GPD1L: variants seen among roughly 807,000 people sequenced by gnomAD.
GPD1L encodes glycerol-3-phosphate dehydrogenase 1-like protein.
Under a neutral mutation model 32.9 loss-of-function variants are expected in GPD1L, and 17 were observed. That is an observed-to-expected ratio of 0.52 (90% CI 0.35 to 0.78). The LOEUF is 0.78. GPD1L is among the 30% of genes least tolerant of loss of function. The pLI is 0.01. For missense variants in GPD1L, 361 were observed against 447.8 expected (o/e 0.81, Z 1.75); for synonymous variants, 187 against 165.9 (o/e 1.13, Z -0.98).
chr3:32,133,593 A>C (rs1339329473), intron 2 of GPD1L, among the ~76,000 whole-genome samples: 2 of 152,174 alleles, frequency 1.3e-5, no homozygotes, highest in Admixed American at 6.5e-5. Context: ...TTATTTTCCT[A>C]CTTAGAGATT....
rs1249016891 is a variant in GPD1L at position 32,159,672 on chromosome 3, C to T, written c.957C>T (p.Asp319=). The part of the protein sequence containing the change: ...YRILKQKGLL[D]KFPLFTAVYQ... ...TCCTCAAACAGAAGGGACTACTGGACAAGTAAGTCTCTCAGTCGCCCATGA... is the reference window on the plus strand; with the variant it reads ...TCCTCAAACAGAAGGGACTACTGGATAAGTAAGTCTCTCAGTCGCCCATGA... Residue 319 remains aspartate (D), a splice_region_variant and synonymous_variant, in exon 7 of 8, where the codon GAC becomes GAT. Transcript: ENST00000282541. 1.3e-6 allele frequency: 2 copies of T among 1,570,848 alleles called. No homozygotes were observed. The highest frequency in any genetic ancestry group is 4.5e-5 in the East Asian group (2 of 44,660).
At chr3:32,164,400 C>T (rs1480542270) in intron 7 of GPD1L, among the ~76,000 whole-genome samples, 3 of 152,190 alleles carry the variant, frequency 2.0e-5, no homozygotes, top group African/African-American at 7.2e-5. Context: ...ACTGAGGATA[C>T]AGTAGTGAAA....
At chr3:32,141,296 T>G (rs1700738757) in intron 4 of GPD1L, among the ~76,000 whole-genome samples, 1 of 152,210 alleles carries the variant, frequency 6.6e-6, no homozygotes, top group Admixed American at 6.5e-5. Flanking sequence ...TTATTTTTAA[T>G]TATGGAGGTA....
chr3:32,156,083 G>C (rs1700984621), intron 5 of GPD1L, among the ~76,000 whole-genome samples: 1 of 152,146 alleles, frequency 6.6e-6, no homozygotes, highest in Admixed American at 6.5e-5. Context: ...ACCCCTTCTA[G>C]AAGCAGAGCT....
chr3:32,117,994 G>C (rs1700356123), intron 1 of GPD1L, among the ~76,000 whole-genome samples: 1 of 152,192 alleles, frequency 6.6e-6, no homozygotes, highest in Non-Finnish European at 1.5e-5. Flanking sequence ...TGACAGAGGT[G>C]TGGTCCATCC....
chr3:32,141,335 A>C (rs1052363717), intron 4 of GPD1L, among the ~76,000 whole-genome samples: 1 of 152,208 alleles, frequency 6.6e-6, no homozygotes, highest in African/African-American at 2.4e-5. Flanking sequence ...GAAGATAGAG[A>C]TAATCAAAAG....
intron 2 of GPD1L, 67 bp downstream of exon 2, chr3:32,128,320 G>A (rs536616512): frequency 7.4e-7 from 1 of 1,348,750 alleles, no homozygotes; most frequent in Non-Finnish European, 1.1e-6. Flanking sequence ...GCAGCACTTG[G>A]GTTTTGGAAC....
Position 32,116,058 on chromosome 3 carries a change from G to T in GPD1L, c.47+9300G>T, listed in dbSNP as rs547783196. On this transcript the variant is annotated intron_variant, in intron 1 of 7. Transcript: ENST00000282541. Reference sequence around the variant, plus strand: ...CCGCCTCGGCCTCTCAAAGTGCTGGGTTTACAGATGTGAGCCACCGTGCCC... The same window carrying T: ...CCGCCTCGGCCTCTCAAAGTGCTGGTTTTACAGATGTGAGCCACCGTGCCC... Among the ~76,000 whole-genome samples the T allele has an allele frequency of 5.7e-3, 863 of 152,078 alleles. 9 individuals carry two copies. The highest frequency in any genetic ancestry group is 0.02 in the African/African-American group (823 of 41,506).
chr3:32,123,070 A>AT (rs1271417996), intron 1 of GPD1L, among the ~76,000 whole-genome samples: 1 of 151,716 alleles, frequency 6.6e-6, no homozygotes, highest in Non-Finnish European at 1.5e-5. Flanking sequence ...TGCCCAGCTA[A>AT]TTTTTTATTT....
intron 5 of GPD1L, among the ~76,000 whole-genome samples, chr3:32,154,633 A>C (rs114883773): frequency 1.2e-4 from 19 of 152,336 alleles, no homozygotes; most frequent in South Asian, 4.1e-4. Flanking sequence ...TCCCATGATA[A>C]TAGGACCTGC....
intron 2 of GPD1L, among the ~76,000 whole-genome samples, chr3:32,129,058 G>A (rs778660604): frequency 2.6e-5 from 4 of 152,192 alleles, no homozygotes; most frequent in Non-Finnish European, 5.9e-5. Context: ...AGCTTGGGGA[G>A]TGAAAAGGGT....
chr3:32,166,056 G>T lies in GPD1L; in HGVS notation c.*146G>T. 1 of 690,916 alleles carries T rather than the reference G, an allele frequency of 1.4e-6. No homozygotes were observed. The highest frequency in any genetic ancestry group is 2.7e-6 in the Non-Finnish European group (1 of 375,350). The allele number at this position is 690,916 out of a possible 1,614,324, so 42.8% of individuals were successfully genotyped here. On this transcript the variant is annotated 3_prime_UTR_variant, in exon 8 of 8. Transcript: ENST00000282541. ...ATTTTTACAGGTTCGTTTTTGAATT[G>T]TGAGAGGCAGTTCATTAGCAAAGAT...
chr3:32,160,490 T>A (rs1365697700), intron 7 of GPD1L, among the ~76,000 whole-genome samples: 4 of 59,808 alleles, frequency 6.7e-5, no homozygotes, highest in Non-Finnish European at 1.1e-4. Flanking sequence ...GAGGGATGGA[T>A]GATGGATGGG....
At chr3:32,112,324 T>A (rs1700264447) in intron 1 of GPD1L, among the ~76,000 whole-genome samples, 1 of 61,678 alleles carries the variant, frequency 1.6e-5, no homozygotes, top group South Asian at 8.2e-4. Context: ...ATCTAAAAAA[T>A]AAATAAATAA....
At chr3:32,120,464 T>C (rs78249866) in intron 1 of GPD1L, among the ~76,000 whole-genome samples, 15,669 of 152,270 alleles carry the variant, frequency 0.1, 1,046 homozygotes, top group East Asian at 0.26. Context: ...GCTTAATGCA[T>C]AGTTACAATG....
intron 1 of GPD1L, among the ~76,000 whole-genome samples, chr3:32,121,191 T>C (rs9836587): frequency 0.31 from 44,994 of 144,502 alleles, 9,354 homozygotes; most frequent in African/African-American, 0.63. Context: ...TCCCTTAGTC[T>C]CCCTGATCCT....
At chr3:32,121,624 T>TTATATATATATTTCTATATATATAA (rs541151332) in intron 1 of GPD1L, among the ~76,000 whole-genome samples, 2 of 65,882 alleles carry the variant, frequency 3.0e-5, no homozygotes, top group African/African-American at 2.7e-4. Flanking sequence ...TCTATATATA[T>TTATATATATATTTCTATATATATAA]TATATATATT....
intron 1 of GPD1L, among the ~76,000 whole-genome samples, chr3:32,117,357 C>T (rs1198823560): frequency 6.6e-6 from 1 of 152,132 alleles, no homozygotes; most frequent in Non-Finnish European, 1.5e-5. Context: ...TTGTAATAAG[C>T]AAGTATGAGG....
chr3:32,156,466 A>G (rs915227242), intron 5 of GPD1L, among the ~76,000 whole-genome samples: 1 of 152,230 alleles, frequency 6.6e-6, no homozygotes, highest in African/African-American at 2.4e-5. Context: ...ATTATTGCTC[A>G]GGAAGAGAAG....
Sources: allele counts gnomAD v4.1 joint callset (sites outside exome capture counted in the v4.1 genomes callset), GRCh38; gene constraint gnomAD v4.1.1; transcripts MANE v1.5; gene names NCBI Gene and HGNC (gene_info 2026-07-23, HGNC 2026-07-21).